RORB: variants seen among roughly 807,000 people sequenced by gnomAD.
RORB encodes nuclear receptor ROR-beta.
RORB carries 6 observed loss-of-function variants against 59.1 expected under a neutral mutation model. The observed-to-expected ratio is 0.10, with a 90% CI of 0.06 to 0.20. The LOEUF (loss-of-function observed/expected upper bound fraction) is 0.20, where lower values mean the gene tolerates loss of function less well. Ranked by LOEUF, RORB falls within the 10% of genes least tolerant of loss-of-function variation. The pLI is 1.00. For missense variants in RORB, 320 were observed against 560.5 expected (o/e 0.57, Z 4.33); for synonymous variants, 215 against 204.5 (o/e 1.05, Z -0.44).
intron 1 of RORB, among the ~76,000 whole-genome samples, chr9:74,543,731 A>G (rs1327472456): frequency 6.6e-6 from 1 of 152,200 alleles, no homozygotes; most frequent in Non-Finnish European, 1.5e-5. Flanking sequence ...AATCACTTCT[A>G]TCAAAAACTA....
At chr9:74,665,350 C>G (rs1490310178) in intron 6 of RORB, 138 bp from the exon 7 acceptor site, 3 of 425,498 alleles carry the variant, frequency 7.1e-6, no homozygotes, top group Non-Finnish European at 1.2e-5. Flanking sequence ...ATGTGTGTGC[C>G]TGTGTGTGTG....
At chr9:74,521,610 G>A (rs139343378) in intron 1 of RORB, among the ~76,000 whole-genome samples, 25 of 151,842 alleles carry the variant, frequency 1.6e-4, no homozygotes, top group Admixed American at 3.3e-4. Context: ...GAACTTTTCC[G>A]TAGGACTCTC....
intron 1 of RORB, among the ~76,000 whole-genome samples, chr9:74,617,078 C>T (rs1823324237): frequency 1.5e-5 from 1 of 64,946 alleles, no homozygotes; most frequent in African/African-American, 4.0e-5. Flanking sequence ...TCTAATATTC[C>T]CACCACCCGC....
intron 9 of RORB, among the ~76,000 whole-genome samples, chr9:74,684,527 G>A (rs1824604444): frequency 6.6e-6 from 1 of 151,934 alleles, no homozygotes; most frequent in African/African-American, 2.4e-5. Context: ...TTCGAAATGT[G>A]CCTAAACTAT....
chr9:74,645,372 C>T (rs1823878186), intron 4 of RORB, among the ~76,000 whole-genome samples: 1 of 152,172 alleles, frequency 6.6e-6, no homozygotes, highest in Admixed American at 6.5e-5. Flanking sequence ...AGGAAGGCAT[C>T]TGTGGTATAG....
intron 1 of RORB, among the ~76,000 whole-genome samples, chr9:74,603,260 GC>G (rs1363986171): frequency 6.6e-6 from 1 of 152,168 alleles, no homozygotes; most frequent in Non-Finnish European, 1.5e-5. Context: ...GGCTTTTGCA[GC>G]TCTCTTTGGT....
At chr9:74,561,196 CCCCGAGATGTGAGGAAT>C (rs1822392426) in intron 1 of RORB, among the ~76,000 whole-genome samples, 1 of 152,038 alleles carries the variant, frequency 6.6e-6, no homozygotes, top group Admixed American at 6.6e-5. Context: ...TTGAGTCTCT[CCCCGAGATGTGAGGAAT>C]AGACTATTTC....
At chr9:74,640,433 C>CTGTG (rs71368671) in intron 3 of RORB, among the ~76,000 whole-genome samples, 28,108 of 148,308 alleles carry the variant, frequency 0.19, 3,034 homozygotes, top group Non-Finnish European at 0.25. Context: ...TCGGCTAATT[C>CTGTG]TGTGTGTGTG....
chr9:74,511,051 C>T (rs543585745), intron 1 of RORB, among the ~76,000 whole-genome samples: 1 of 152,260 alleles, frequency 6.6e-6, no homozygotes, highest in South Asian at 2.1e-4. Flanking sequence ...TACCTAAAGA[C>T]CTGTGCCTAA....
At chr9:74,588,167 G>A (rs1386415327) in intron 1 of RORB, among the ~76,000 whole-genome samples, 4 of 152,074 alleles carry the variant, frequency 2.6e-5, no homozygotes, top group African/African-American at 7.2e-5. Context: ...ATTTAAACAA[G>A]CATCCTTTTC....
At chr9:74,577,017 C>T (rs1822645854) in intron 1 of RORB, among the ~76,000 whole-genome samples, 1 of 152,060 alleles carries the variant, frequency 6.6e-6, no homozygotes, top group African/African-American at 2.4e-5. Context: ...CCTCCAAGGC[C>T]AGTGCTCTAG....
intron 1 of RORB, among the ~76,000 whole-genome samples, chr9:74,593,692 T>C (rs1448746339): frequency 6.6e-6 from 1 of 151,982 alleles, no homozygotes; most frequent in Non-Finnish European, 1.5e-5. Context: ...TTGGAGTCAA[T>C]GGAAAAGAAG....
At chr9:74,585,418 T>C (rs940810469) in intron 1 of RORB, among the ~76,000 whole-genome samples, 2 of 152,208 alleles carry the variant, frequency 1.3e-5, no homozygotes, top group Non-Finnish European at 2.9e-5. Context: ...CCCCACACTT[T>C]TATTTTCTTT....
chr9:74,692,082 A>C lies in RORB; in HGVS notation c.*6464A>C, dbSNP rs1305031761. On this transcript the variant is annotated 3_prime_UTR_variant, in exon 10 of 10. Coordinates refer to ENST00000376896, the MANE Select transcript of RORB (RefSeq NM_006914.4). The stretch of plus-strand genomic sequence containing the variant: ...TCTGATGAACAAGATATTTTTGTAC[A>C]CATTTATTTCTTGTTAATAACCTGA... 6.6e-6 allele frequency: 1 copy of C among 152,218 alleles called. No homozygotes were observed. Among genetic ancestry groups the C allele is most frequent in the Non-Finnish European group, 1.5e-5 (1 of 68,034 alleles). The allele number at this position is 152,218 out of a possible 1,614,324, so 9.4% of individuals were successfully genotyped here.
intron 9 of RORB, among the ~76,000 whole-genome samples, chr9:74,681,737 G>A (rs1453661883): frequency 6.6e-6 from 1 of 152,072 alleles, no homozygotes; most frequent in Non-Finnish European, 1.5e-5. Flanking sequence ...CTATAAAATG[G>A]TTTCAGTCAC....
chr9:74,574,979 T>C (rs1822610559), intron 1 of RORB, among the ~76,000 whole-genome samples: 1 of 152,012 alleles, frequency 6.6e-6, no homozygotes, highest in African/African-American at 2.4e-5. Flanking sequence ...CAAAAGAGTA[T>C]TGCATACCAG....
intron 1 of RORB, among the ~76,000 whole-genome samples, chr9:74,592,842 C>T (rs1177725516): frequency 6.6e-6 from 1 of 152,170 alleles, no homozygotes; most frequent in African/African-American, 2.4e-5. Context: ...CTCTCACACA[C>T]ACACATGAAC....
chr9:74,593,484 A>AAG (rs1822931012), intron 1 of RORB, among the ~76,000 whole-genome samples: 1 of 142,110 alleles, frequency 7.0e-6, no homozygotes, highest in Admixed American at 7.1e-5. Context: ...AAAAAAAAAA[A>AAG]CAAAAGAGGA....
chr9:74,541,963 C>T (rs1289660723), intron 1 of RORB, among the ~76,000 whole-genome samples: 1 of 152,114 alleles, frequency 6.6e-6, no homozygotes, highest in Non-Finnish European at 1.5e-5. Flanking sequence ...GGATTTTCAG[C>T]CCAAATTTAT....
Sources: allele counts gnomAD v4.1 joint callset (sites outside exome capture counted in the v4.1 genomes callset), GRCh38; gene constraint gnomAD v4.1.1; transcripts MANE v1.5; gene names NCBI Gene and HGNC (gene_info 2026-07-23, HGNC 2026-07-21).